RABGAP1L: variants seen among roughly 807,000 people sequenced by gnomAD.
RABGAP1L encodes the protein rab GTPase-activating protein 1-like.
A neutral mutation model predicts 137.7 loss-of-function variants in RABGAP1L; 63 were observed. The observed-to-expected ratio is 0.46, with a 90% confidence interval of 0.37 to 0.56. The LOEUF is 0.56. Among genes scored for constraint, RABGAP1L ranks in the 20% least tolerant of loss-of-function variants. The probability of loss-of-function intolerance (pLI) is 0.00; values close to 1 mark genes in which losing one functional copy is unlikely to be tolerated. For missense variants in RABGAP1L, 1,095 were observed against 1,244.0 expected (o/e 0.88, Z 1.80); for synonymous variants, 431 against 433.7 (o/e 0.99, Z 0.08).
intron 14 of RABGAP1L, among the ~76,000 whole-genome samples, chr1:174,681,417 C>T (rs892096275): frequency 3.3e-5 from 5 of 152,098 alleles, no homozygotes; most frequent in Non-Finnish European, 5.9e-5. Context: ...ATCTCAGGAA[C>T]GTTATGCTGA....
chr1:174,628,412 T>C (rs1673078939), intron 13 of RABGAP1L, among the ~76,000 whole-genome samples: 1 of 152,216 alleles, frequency 6.6e-6, no homozygotes, highest in Admixed American at 6.5e-5. Flanking sequence ...GAATAATGGT[T>C]CTTATGGAAA....
chr1:174,770,602 CAG>C (rs1368045718), intron 18 of RABGAP1L, among the ~76,000 whole-genome samples: 1 of 152,230 alleles, frequency 6.6e-6, no homozygotes, highest in Non-Finnish European at 1.5e-5. Context: ...AGAGAACAAA[CAG>C]AACAAAAAAA....
intron 13 of RABGAP1L, among the ~76,000 whole-genome samples, chr1:174,621,502 A>G (rs963683194): frequency 7.2e-5 from 11 of 152,244 alleles, no homozygotes; most frequent in Non-Finnish European, 1.5e-4. Context: ...GTAGCAAAAC[A>G]GAGATATAGA....
intron 24 of RABGAP1L, among the ~76,000 whole-genome samples, chr1:174,987,190 C>G (rs557187097): frequency 6.6e-6 from 1 of 151,338 alleles, no homozygotes; most frequent in South Asian, 2.1e-4. Flanking sequence ...TTTTTTGAGA[C>G]GGAGTCTTGC....
intron 18 of RABGAP1L, among the ~76,000 whole-genome samples, chr1:174,755,109 T>C (rs1454767901): frequency 6.6e-6 from 1 of 152,156 alleles, no homozygotes; most frequent in South Asian, 2.1e-4. Flanking sequence ...GTGGGAAAGT[T>C]GGATTTATAA....
chr1:174,225,494 C>CTTTTTTTTTTTTTTTTTTTTT (rs59323156), intron 3 of RABGAP1L, among the ~76,000 whole-genome samples: 23 of 105,710 alleles, frequency 2.2e-4, no homozygotes, highest in African/African-American at 7.3e-4. Flanking sequence ...AGAATGTTGA[C>CTTTTTTTTTTTTTTTTTTTTT]TTTTTTTTTT....
chr1:174,485,970 G>A (rs1242491489), intron 13 of RABGAP1L, among the ~76,000 whole-genome samples: 1 of 152,062 alleles, frequency 6.6e-6, no homozygotes, highest in Non-Finnish European at 1.5e-5. Context: ...TCAGGTCCTG[G>A]ACTTTTCTTT....
intron 13 of RABGAP1L, among the ~76,000 whole-genome samples, chr1:174,622,146 A>C (rs1672550460): frequency 6.6e-6 from 1 of 152,228 alleles, no homozygotes; most frequent in South Asian, 2.1e-4. Flanking sequence ...AATCAAAACC[A>C]CAATGAGATA....
At chr1:174,390,648 G>A (rs891703045) in intron 12 of RABGAP1L, among the ~76,000 whole-genome samples, 3 of 152,130 alleles carry the variant, frequency 2.0e-5, no homozygotes, top group Admixed American at 1.3e-4. Context: ...CAGAAGTCTG[G>A]GGAGGATAAA....
chr1:174,351,306 C>T (rs1683166629), intron 11 of RABGAP1L, among the ~76,000 whole-genome samples: 1 of 152,100 alleles, frequency 6.6e-6, no homozygotes, highest in African/African-American at 2.4e-5. Flanking sequence ...TCATTAATGT[C>T]CTTTTCCTTC....
At chr1:174,171,685 G>A (rs1324684891) in intron 1 of RABGAP1L, among the ~76,000 whole-genome samples, 3 of 143,670 alleles carry the variant, frequency 2.1e-5, no homozygotes, top group Non-Finnish European at 3.0e-5. Flanking sequence ...TTGTTTCTGC[G>A]TATTCAGCTT....
chr1:174,633,307 C>A (rs572357313), intron 13 of RABGAP1L, among the ~76,000 whole-genome samples: 1 of 143,774 alleles, frequency 7.0e-6, no homozygotes, highest in African/African-American at 2.6e-5. Flanking sequence ...AATAAAATAC[C>A]TAGGAATCCA....
At chr1:174,244,451 T>G (rs1672087602) in intron 5 of RABGAP1L, 1 of 152,224 alleles carries the variant, frequency 6.6e-6, no homozygotes, top group South Asian at 2.1e-4. Flanking sequence ...GGAATCCCAG[T>G]GAGGGTGATG....
chr1:174,651,090 G>T (rs996997956), intron 14 of RABGAP1L, among the ~76,000 whole-genome samples: 1 of 151,886 alleles, frequency 6.6e-6, no homozygotes, highest in Non-Finnish European at 1.5e-5. Context: ...ATTTCGTTAT[G>T]TACCCAGCAG....
chr1:174,643,445 A>G (rs1287030961), intron 14 of RABGAP1L, among the ~76,000 whole-genome samples: 1 of 152,148 alleles, frequency 6.6e-6, no homozygotes, highest in African/African-American at 2.4e-5. Context: ...AGCACATTCT[A>G]ATGAGCAGTG....
intron 24 of RABGAP1L, among the ~76,000 whole-genome samples, chr1:174,987,728 A>T (rs1671715298): frequency 6.6e-6 from 1 of 152,244 alleles, no homozygotes; most frequent in African/African-American, 2.4e-5. Flanking sequence ...AGTAAACAAC[A>T]GTACTATTGT....
At chr1:174,205,755 C>A (rs1458817892) in intron 1 of RABGAP1L, among the ~76,000 whole-genome samples, 1 of 151,880 alleles carries the variant, frequency 6.6e-6, no homozygotes, top group Non-Finnish European at 1.5e-5. Flanking sequence ...ATTGTTTTTT[C>A]TTGTCTCTAT....
chr1:174,756,798 T>C, intron 18 of RABGAP1L: 1 of 509,268 alleles, frequency 2.0e-6, no homozygotes, highest in Non-Finnish European at 3.9e-6. Context: ...GAGTCCCTAC[T>C]CGGTTGCAAA....
chr1:174,304,906 T>G, intron 10 of RABGAP1L, 80 bp from the exon 11 acceptor site: 1 of 1,278,174 alleles, frequency 7.8e-7, no homozygotes, highest in Non-Finnish European at 1.1e-6. Flanking sequence ...GCAGCTCTTT[T>G]GAATGCATTA....
Sources: allele counts gnomAD v4.1 joint callset (sites outside exome capture counted in the v4.1 genomes callset), GRCh38; gene constraint gnomAD v4.1.1; transcripts MANE v1.5; gene names NCBI Gene and HGNC (gene_info 2026-07-23, HGNC 2026-07-21).